Variants in HAUS3 observed in about 807,000 individuals in gnomAD.
HAUS3 encodes HAUS augmin like complex subunit 3.
In HAUS3, 36 loss-of-function variants were observed where a neutral mutation model predicts 55.2. The observed-to-expected ratio is 0.65, with a 90% CI of 0.50 to 0.86. The LOEUF is 0.86. HAUS3 is among the 40% of genes least tolerant of loss of function. The pLI is 0.00. For synonymous variants in HAUS3, 234 were observed against 238.6 expected (o/e 0.98, Z 0.18); for missense variants, 752 against 671.5 (o/e 1.12, Z -1.33).
Position 2,230,384 on chromosome 4 carries a change from C to T in HAUS3, c.*1543G>A, listed in dbSNP as rs1020070072. On this transcript the variant is annotated 3_prime_UTR_variant, in exon 6 of 6. Transcript: ENST00000443786. ...AATATGCTACCATAAACCAGGAAAC[C>T]AGGTGACATATTTTCCACATTTTTG... 1 of 151,940 alleles carries T rather than the reference C, an allele frequency of 6.6e-6. No homozygotes were observed. Among genetic ancestry groups the T allele is most frequent in the Non-Finnish European group, 1.5e-5 (1 of 67,984 alleles). The allele number at this position is 151,940 out of a possible 1,614,324, so 9.4% of individuals were successfully genotyped here. A position where few individuals can be genotyped will look rare whatever the true frequency, so the allele number is the denominator to read the frequency against.
chr4:2,236,597 G>A, intron 4 of HAUS3, 141 bp from the exon 5 acceptor site: 2 of 634,940 alleles, frequency 3.1e-6, no homozygotes, highest in South Asian at 2.0e-5. Context: ...AGTAGCTCAC[G>A]CCTGTAATCC....
Position 2,241,053 on chromosome 4 carries a change from G to A in HAUS3, c.-107C>T. 1.3e-6 allele frequency: 1 copy of A among 784,338 alleles called. No individual in the cohort carries two copies. The highest frequency in any genetic ancestry group is 2.0e-6 in the Non-Finnish European group (1 of 488,230). The allele number at this position is 784,338 out of a possible 1,614,324, so 48.6% of individuals were successfully genotyped here. A position where few individuals can be genotyped will look rare whatever the true frequency, so the allele number is the denominator to read the frequency against. The stretch of plus-strand genomic sequence containing the variant: ...AGCTACGTTTTATACCAAGTCCACA[G>A]AGAAGGGAAAATATATTTTTAGAAT... On this transcript the variant is annotated 5_prime_UTR_variant, in exon 3 of 6. Transcript: ENST00000443786.
At chr4:2,233,655 T>A (rs1734659051) in intron 5 of HAUS3, among the ~76,000 whole-genome samples, 1 of 152,206 alleles carries the variant, frequency 6.6e-6, no homozygotes, top group Admixed American at 6.5e-5. Context: ...TTAAATTGAC[T>A]TATTTTTTTC....
At chr4:2,232,587 T>C (rs555662786) in intron 5 of HAUS3, among the ~76,000 whole-genome samples, 2 of 152,326 alleles carry the variant, frequency 1.3e-5, no homozygotes, top group Non-Finnish European at 2.9e-5. Context: ...ACAGAGAAAG[T>C]TGAAATGAAG....
chr4:2,229,090 A>T lies in HAUS3; in HGVS notation c.*2837T>A. On this transcript the variant is annotated 3_prime_UTR_variant, in exon 6 of 6. Coordinates refer to ENST00000443786, the MANE Select transcript of HAUS3 (RefSeq NM_001303143.2). The stretch of plus-strand genomic sequence containing the variant: ...TCAAGAGAAAGAAAGGTTCATAAAA[A>T]TTACTTACTCTCTGTACTCTTTCCC... 1 of 1,573,596 alleles carries T rather than the reference A, an allele frequency of 6.4e-7. No individual in the cohort carries two copies. Among genetic ancestry groups the T allele is most frequent in the Non-Finnish European group, 8.6e-7 (1 of 1,158,812 alleles).
intron 5 of HAUS3, among the ~76,000 whole-genome samples, chr4:2,232,804 A>T (rs1734631106): frequency 6.6e-6 from 1 of 152,170 alleles, no homozygotes; most frequent in Non-Finnish European, 1.5e-5. Context: ...GATTATTAAC[A>T]AGTTTCCATA....
rs1734539836 is a variant in HAUS3 at position 2,230,454 on chromosome 4, T to C, written c.*1473A>G. ...GTAAATTCTCTATTCCGAAATAGAA[T>C]AGAAAAAAACATATACAACAAAAAA... On this transcript the variant is annotated 3_prime_UTR_variant, in exon 6 of 6. Coordinates refer to ENST00000443786, the MANE Select transcript of HAUS3 (RefSeq NM_001303143.2). The C allele has an allele frequency of 6.6e-6, 1 of 151,964 alleles. No homozygotes were observed. 9.4% of individuals were successfully genotyped at this position (151,964 alleles called of 1,614,324 possible).
In HAUS3 at chr4:2,229,015, T is replaced by C. The variant is rs1734482511; in HGVS notation, c.*2912A>G. The C allele has an allele frequency of 4.4e-6, 6 of 1,363,526 alleles. No individual in the cohort carries two copies. The highest frequency in any genetic ancestry group is 4.2e-4 in the Middle Eastern group (2 of 4,784). The allele number at this position is 1,363,526 out of a possible 1,614,324, so 84.5% of individuals were successfully genotyped here. A position where few individuals can be genotyped will look rare whatever the true frequency, so the allele number is the denominator to read the frequency against. ...GGGAGCTGGGCTTCATCTGTCTACA[T>C]GCATTCCATTTTCAATTCTTAGTCT... On this transcript the variant is annotated 3_prime_UTR_variant, in exon 6 of 6. Coordinates refer to ENST00000443786, the MANE Select transcript of HAUS3 (RefSeq NM_001303143.2).
At chr4:2,239,885 C>T (rs759651773) in intron 3 of HAUS3, among the ~76,000 whole-genome samples, 153 bp downstream of exon 3, 4 of 152,164 alleles carry the variant, frequency 2.6e-5, no homozygotes, top group Non-Finnish European at 5.9e-5. Context: ...TTGTATGAAA[C>T]ATTGACACAG....
chr4:2,241,958 GAAAA>G (rs927828581), intron 1 of HAUS3, 89 bp downstream of exon 1: 2 of 985,264 alleles, frequency 2.0e-6, no homozygotes, highest in Non-Finnish European at 2.4e-6. Flanking sequence ...AGGAGCGCAG[GAAAA>G]AAAAGAGGCA....
Position 2,239,976 on chromosome 4 carries a change from A to G in HAUS3, c.909+62T>C, listed in dbSNP as rs142305888. The stretch of plus-strand genomic sequence containing the variant: ...CATTCTAAAGTACTTTAACAGCAAT[A>G]TTATCTCCTCTATTCCTAACAATAA... On this transcript the variant is annotated intron_variant, in intron 3 of 5. Coordinates refer to ENST00000443786, the MANE Select transcript of HAUS3 (RefSeq NM_001303143.2). 3.3e-4 allele frequency: 428 copies of G among 1,306,778 alleles called. 2 individuals are homozygous for G. In the African/African-American group the frequency reaches 5.3e-3, roughly 16 times the overall value. The allele number at this position is 1,306,778 out of a possible 1,614,324, so 80.9% of individuals were successfully genotyped here.
chr4:2,231,310 T>A lies in HAUS3; in HGVS notation c.*617A>T, dbSNP rs1447862959. ...TAGAAGTTCTACACATTTTAAAATA[T>A]TTAATAGCGGCTGAGCGTGGTGGCT... On this transcript the variant is annotated 3_prime_UTR_variant, in exon 6 of 6. Transcript: ENST00000443786. The A allele has an allele frequency of 6.6e-6, 1 of 152,352 alleles. No individual in the cohort carries two copies. Among genetic ancestry groups the A allele is most frequent in the African/African-American group, 2.4e-5 (1 of 41,560 alleles). The allele number at this position is 152,352 out of a possible 1,614,324, so 9.4% of individuals were successfully genotyped here.
Position 2,229,214 on chromosome 4 carries a change from T to G in HAUS3, c.*2713A>C. 1 of 1,598,646 alleles carries G rather than the reference T, an allele frequency of 6.3e-7. No homozygotes were observed. The highest frequency in any genetic ancestry group is 8.5e-7 in the Non-Finnish European group (1 of 1,173,948). The stretch of plus-strand genomic sequence containing the variant: ...TATTACAGAGATCAAAGCCTACCAA[T>G]GCCTCATAATTTTCCATTTTCACAA... On this transcript the variant is annotated 3_prime_UTR_variant, in exon 6 of 6. Transcript: ENST00000443786.
chr4:2,236,711 A>G (rs1172904672), intron 4 of HAUS3, among the ~76,000 whole-genome samples: 1 of 151,722 alleles, frequency 6.6e-6, no homozygotes, highest in Non-Finnish European at 1.5e-5. Context: ...TACAAAAAAA[A>G]AGTTAGCCGG....
Position 2,236,387 on chromosome 4 carries a change from T to C in HAUS3, c.1419A>G (p.Glu473=), listed in dbSNP as rs778507352. 1.2e-5 allele frequency: 19 copies of C among 1,613,646 alleles called. No individual in the cohort carries two copies. Among genetic ancestry groups the C allele is most frequent in the Non-Finnish European group, 1.4e-5 (17 of 1,179,754 alleles). ...TATTCTGTTTCAATTTCTCAGCCACTTCCTCAAGGTTTCCATGAGTTAGAA... is the reference window on the plus strand; with the variant it reads ...TATTCTGTTTCAATTTCTCAGCCACCTCCTCAAGGTTTCCATGAGTTAGAA... ...ELFLTHGNLE[E]VAEKLKQNIS... Residue 473 remains glutamate (E), a synonymous_variant, in exon 5 of 6, where the codon GAA becomes GAG. Transcript: ENST00000443786.
chr4:2,229,044 G>A lies in HAUS3; in HGVS notation c.*2883C>T. 1 of 1,497,682 alleles carries A rather than the reference G, an allele frequency of 6.7e-7. No individual in the cohort carries two copies. The highest frequency in any genetic ancestry group is 1.2e-5 in the South Asian group (1 of 80,610). 92.8% of individuals were successfully genotyped at this position (1,497,682 alleles called of 1,614,324 possible). On this transcript the variant is annotated 3_prime_UTR_variant, in exon 6 of 6. Transcript: ENST00000443786. Reference sequence around the variant, plus strand: ...TTCCATTTTCAATTCTTAGTCTTTAGAACAATTAACATTCAAAGTATCAAG... The same window carrying A: ...TTCCATTTTCAATTCTTAGTCTTTAAAACAATTAACATTCAAAGTATCAAG...
intron 3 of HAUS3, 39 bp from the exon 4 acceptor site, chr4:2,239,082 C>G (rs745680804): frequency 9.1e-7 from 1 of 1,100,816 alleles, no homozygotes; most frequent in Admixed American, 2.7e-5. Context: ...AACTGTATGC[C>G]TAAATTTGAA....
chr4:2,237,307 G>A (rs144345530), intron 4 of HAUS3, among the ~76,000 whole-genome samples: 1,546 of 151,288 alleles, frequency 0.01, 31 homozygotes, highest in African/African-American at 0.034. Context: ...ATGGTGGCAC[G>A]TGCCTGTAGT....
intron 5 of HAUS3, among the ~76,000 whole-genome samples, 183 bp downstream of exon 5, chr4:2,236,045 C>T (rs938219952): frequency 2.0e-5 from 3 of 151,978 alleles, no homozygotes; most frequent in Admixed American, 6.5e-5. Context: ...TCTGTGCACA[C>T]TCATCAAAAC....
Sources: gnomAD v4.1 joint callset for allele counts (sites outside exome capture counted in the v4.1 genomes callset) on GRCh38, gnomAD v4.1.1 for gene constraint, MANE v1.5 for transcripts, NCBI Gene and HGNC (gene_info 2026-07-23, HGNC 2026-07-21) for gene names.